Variants in TFRC observed in about 807,000 individuals in gnomAD.
TFRC encodes transferrin receptor, also known as transferrin receptor protein 1.
In TFRC, 35 loss-of-function variants were observed where a neutral mutation model predicts 85.8. The ratio of observed to expected loss-of-function variants is 0.41; its 90% CI spans 0.31 to 0.54. The LOEUF is 0.54. Among genes scored for constraint, TFRC ranks in the 20% least tolerant of loss-of-function variants. TFRC has a pLI of 0.31. For missense variants in TFRC, 828 were observed against 921.5 expected, an observed-to-expected ratio of 0.90 and a Z score of 1.31; for synonymous variants, 362 against 328.6, an observed-to-expected ratio of 1.10 and a Z score of -1.10.
chr3:196,062,465 A>G (rs1405120110), intron 13 of TFRC, 117 bp downstream of exon 13: 1 of 861,080 alleles, frequency 1.2e-6, no homozygotes, highest in African/African-American at 1.7e-5. Context: ...TCTGGGAGAC[A>G]GAGGTTGCAG....
chr3:196,070,803 AT>A (rs1718131379), intron 6 of TFRC, among the ~76,000 whole-genome samples: 1 of 147,894 alleles, frequency 6.8e-6, no homozygotes, highest in Non-Finnish European at 1.5e-5. Flanking sequence ...AATAATAATA[AT>A]AATAAAATAA....
At chr3:196,064,942 G>A (rs1717589338) in intron 10 of TFRC, among the ~76,000 whole-genome samples, 2 of 152,144 alleles carry the variant, frequency 1.3e-5, no homozygotes, top group African/African-American at 2.4e-5. Context: ...GAATTTCCTA[G>A]GGCCTTATTA....
chr3:196,070,586 T>C (rs1192500647), intron 6 of TFRC, among the ~76,000 whole-genome samples: 1 of 151,772 alleles, frequency 6.6e-6, no homozygotes, highest in Non-Finnish European at 1.5e-5. Context: ...AATTATTCTA[T>C]CTATCTGTTC....
chr3:196,063,904 G>C (rs1717494286), intron 11 of TFRC, among the ~76,000 whole-genome samples: 2 of 152,170 alleles, frequency 1.3e-5, no homozygotes, highest in African/African-American at 4.8e-5. Flanking sequence ...CTGGGCAACA[G>C]AGTGAAACTC....
intron 11 of TFRC, 94 bp downstream of exon 11, chr3:196,064,215 A>G (rs754480124): frequency 3.2e-5 from 43 of 1,327,326 alleles, no homozygotes; most frequent in Non-Finnish European, 4.3e-5. Flanking sequence ...CATGAGAACC[A>G]CAGGAATGCA....
Position 196,074,212 on chromosome 3 carries a change from G to A in TFRC, c.239-87C>T. Reference sequence around the variant, plus strand: ...CTGTTAATATTTTCAGGTAAGCCTTGAAAATACTGGTTTTCATCAAATTCT... The same window carrying A: ...CTGTTAATATTTTCAGGTAAGCCTTAAAAATACTGGTTTTCATCAAATTCT... On this transcript the variant is annotated intron_variant, in intron 3 of 18. Transcript: ENST00000360110. The A allele has an allele frequency of 3.2e-6, 4 of 1,263,490 alleles. No homozygotes were observed. In the South Asian group the frequency reaches 6.0e-5, roughly 19 times the overall value. The allele number at this position is 1,263,490 out of a possible 1,614,324, so 78.3% of individuals were successfully genotyped here.
At chr3:196,067,324 G>A (rs921047975) in intron 9 of TFRC, among the ~76,000 whole-genome samples, 194 bp downstream of exon 9, 3 of 152,200 alleles carry the variant, frequency 2.0e-5, no homozygotes, top group Non-Finnish European at 4.4e-5. Context: ...GTGTTTATAA[G>A]TCCAAAGTCC....
In TFRC at chr3:196,065,430, G is replaced by GGA; in HGVS notation, c.1198+12_1198+13insTC. 1.8e-6 allele frequency: 1 copy of GGA among 549,188 alleles called. No homozygotes were observed. Among genetic ancestry groups the GGA allele is most frequent in the Non-Finnish European group, 2.5e-6 (1 of 392,642 alleles). The allele number at this position is 549,188 out of a possible 1,614,324, so 34.0% of individuals were successfully genotyped here. On this transcript the variant is annotated intron_variant, in intron 10 of 18. Transcript: ENST00000360110. ...AAAAAAGCGGGGCGGGGGGGGGGGG[G>GGA]GGCGGTCTTTACCTGGTTCTACAAA...
At chr3:196,075,450 C>T in intron 2 of TFRC, 90 bp from the exon 3 acceptor site, 11 of 1,185,642 alleles carry the variant, frequency 9.3e-6, no homozygotes, top group Non-Finnish European at 1.4e-5. Context: ...TGGGCCATTA[C>T]TATAACTTGC....
intron 1 of TFRC, among the ~76,000 whole-genome samples, chr3:196,077,608 C>G (rs966829419): frequency 6.6e-6 from 1 of 151,916 alleles, no homozygotes. Flanking sequence ...AAAAATTAGC[C>G]GGACGTGGTG....
intron 14 of TFRC, 93 bp from the exon 15 acceptor site, chr3:196,058,725 T>TA (rs1717030742): frequency 1.3e-6 from 1 of 798,502 alleles, no homozygotes; most frequent in Non-Finnish European, 1.9e-6. Flanking sequence ...AATTTTTAAA[T>TA]AAAAAACTTG....
rs1454357533 is a variant in TFRC, at chr3:196,051,145, TAA to T, written c.*795_*796del. 9.3e-6 allele frequency: 2 copies of T among 216,204 alleles called. No individual in the cohort carries two copies. The highest frequency in any genetic ancestry group is 1.9e-5 in the Non-Finnish European group (2 of 107,144). 13.4% of individuals were successfully genotyped at this position (216,204 alleles called of 1,614,324 possible). A position where few individuals can be genotyped will look rare whatever the true frequency, so the allele number is the denominator to read the frequency against. The stretch of plus-strand genomic sequence containing the variant: ...CAAAATTTGGCAGCATATTATTCTT[TAA>T]AGTCTGACAAACTGAGTCTGCAACT... On this transcript the variant is annotated 3_prime_UTR_variant, in exon 19 of 19. Transcript: ENST00000360110.
chr3:196,074,290 TAATA>T, intron 3 of TFRC, 165 bp from the exon 4 acceptor site: 1 of 545,022 alleles, frequency 1.8e-6, no homozygotes, highest in Non-Finnish European at 3.1e-6. Context: ...TTAAACCACT[TAATA>T]AATTATATAC....
intron 9 of TFRC, among the ~76,000 whole-genome samples, chr3:196,066,689 G>GT (rs1043262177): frequency 6.6e-6 from 1 of 152,074 alleles, no homozygotes; most frequent in African/African-American, 2.4e-5. Context: ...AATAGTCATG[G>GT]TATGTTACAC....
intron 18 of TFRC, 118 bp from the exon 19 acceptor site, chr3:196,052,302 T>A (rs41298095): frequency 0.017 from 19,361 of 1,172,868 alleles, 300 homozygotes; most frequent in Admixed American, 0.02. Flanking sequence ...CTTTTTTTTT[T>A]TTTTTTTTTT....
At chr3:196,072,365 A>G (rs555414939) in intron 4 of TFRC, among the ~76,000 whole-genome samples, 11 of 152,208 alleles carry the variant, frequency 7.2e-5, no homozygotes, top group African/African-American at 1.2e-4. Context: ...TTTACCCACT[A>G]CAAAGCACTC....
Position 196,064,432 on chromosome 3 carries a change from T to TAAAA in TFRC, c.1199-8_1199-5dup. 6.4e-7 allele frequency: 1 copy of TAAAA among 1,571,854 alleles called. No homozygotes were observed. The highest frequency in any genetic ancestry group is 1.4e-5 in the African/African-American group (1 of 72,038). ...GCCCCAACTACAACATAGTGATCTT[T>TAAAA]AAAAAAGAAAAAAGAGGAAGAAAGA... On this transcript the variant is annotated splice_polypyrimidine_tract_variant and splice_region_variant and intron_variant, in intron 10 of 18. Coordinates refer to ENST00000360110, the MANE Select transcript of TFRC (RefSeq NM_001128148.3).
chr3:196,062,816 A>T, intron 12 of TFRC, 38 bp downstream of exon 12: 1 of 1,602,596 alleles, frequency 6.2e-7, no homozygotes, highest in Non-Finnish European at 8.6e-7. Context: ...TAAGCCCACA[A>T]GCTCGTGTCC....
At position 196,065,511 on chromosome 3, in the gene TFRC, A is replaced by G; in HGVS notation, c.1130T>C (p.Val377Ala). The G allele has an allele frequency of 6.2e-7, 1 of 1,607,474 alleles. No individual in the cohort carries two copies. Among genetic ancestry groups the G allele is most frequent in the Non-Finnish European group, 8.5e-7 (1 of 1,177,566 alleles). ...TTTTATCTCTTTCAGCACATTGCTC[A>G]CAGTGAGCTTCACATTCTTGCTTTC... Reference protein sequence around the residue: ...TSESKNVKLTVSNVLKEIKIL... With the variant: ...TSESKNVKLTASNVLKEIKIL... The change falls in exon 10 of 19, where the codon GTG becomes GCG. Residue 377 changes from valine (V) to alanine (A), a missense_variant. Val to Ala is a moderately conservative substitution (Grantham distance 64). Transcript: ENST00000360110.
Sources: allele counts gnomAD v4.1 joint callset (sites outside exome capture counted in the v4.1 genomes callset), GRCh38; gene constraint gnomAD v4.1.1; transcripts MANE v1.5; gene names NCBI Gene and HGNC (gene_info 2026-07-23, HGNC 2026-07-21).